The following DEUP1 variants were observed in gnomAD, a reference collection of about 807,000 sequenced individuals.
DEUP1 encodes the protein deuterosome assembly protein 1.
DEUP1 carries 82 observed loss-of-function variants against 87.4 expected under a neutral mutation model. The observed-to-expected ratio is 0.94, with a 90% CI of 0.78 to 1.13. The LOEUF (loss-of-function observed/expected upper bound fraction) is 1.13. DEUP1 is among the 50% of genes most tolerant of loss of function. DEUP1 has a pLI of 0.00. For missense variants in DEUP1, 663 were observed against 681.5 expected (o/e 0.97, Z 0.30); for synonymous variants, 214 against 222.7 (o/e 0.96, Z 0.35).
Position 93,371,399 on chromosome 11 carries a change from T to G in DEUP1, c.789+119T>G, listed in dbSNP as rs912113977. The G allele has an allele frequency of 3.6e-6, 4 of 1,116,472 alleles. No homozygotes were observed. In the African/African-American group the frequency reaches 6.3e-5, roughly 18 times the overall value. 69.2% of individuals were successfully genotyped at this position (1,116,472 alleles called of 1,614,324 possible). ...ATTATTAATATATGTGAAGATTCCATTCATATTTCCTCTTAGTAATTCGCA... is the reference window on the plus strand; with the variant it reads ...ATTATTAATATATGTGAAGATTCCAGTCATATTTCCTCTTAGTAATTCGCA... On this transcript the variant is annotated intron_variant, in intron 7 of 13. Transcript: ENST00000298050.
At chr11:93,416,485 G>C (rs1047438294) in intron 13 of DEUP1, among the ~76,000 whole-genome samples, 1 of 152,088 alleles carries the variant, frequency 6.6e-6, no homozygotes, top group East Asian at 1.9e-4. Context: ...CCAGGAAGAA[G>C]TTGAATCTCT....
At chr11:93,361,821 AAGAC>A (rs1252427700) in intron 4 of DEUP1, among the ~76,000 whole-genome samples, 3 of 152,108 alleles carry the variant, frequency 2.0e-5, no homozygotes, top group African/African-American at 4.8e-5. Flanking sequence ...CACCAACTGA[AAGAC>A]AGAGATTGAC....
intron 2 of DEUP1, among the ~76,000 whole-genome samples, chr11:93,354,822 A>C (rs1183365552): frequency 1.3e-5 from 2 of 152,222 alleles, no homozygotes; most frequent in Non-Finnish European, 1.5e-5. Context: ...GATACAATTC[A>C]AGTTGAGATT....
intron 7 of DEUP1, among the ~76,000 whole-genome samples, chr11:93,372,727 C>A (rs1458353743): frequency 3.3e-5 from 5 of 152,158 alleles, no homozygotes; most frequent in African/African-American, 1.2e-4. Flanking sequence ...TATTCTAATA[C>A]AAGTTAGAAT....
Position 93,394,543 on chromosome 11 carries a change from G to A in DEUP1, c.1126G>A (p.Glu376Lys), listed in dbSNP as rs1467940567. The A allele has an allele frequency of 1.2e-6, 2 of 1,612,222 alleles. No homozygotes were observed. Among genetic ancestry groups the A allele is most frequent in the Non-Finnish European group, 1.7e-6 (2 of 1,179,106 alleles). ...MRNEISDLTEELHQKEITIAT... is the reference protein window; with the variant it reads ...MRNEISDLTEKLHQKEITIAT... The stretch of plus-strand genomic sequence containing the variant: ...GAATGAAATCTCTGACCTAACAGAA[G>A]AGCTTCATCAGAAGGAGATCACTAT... The change falls in exon 10 of 14, where the codon GAG becomes AAG. Residue 376 changes from glutamate (E) to lysine (K), a missense_variant. By Grantham distance (56) the Glu-to-Lys change is moderately conservative. Transcript: ENST00000298050.
intron 2 of DEUP1, among the ~76,000 whole-genome samples, chr11:93,354,855 A>G (rs1466464201): frequency 6.6e-6 from 1 of 152,162 alleles, no homozygotes; most frequent in Non-Finnish European, 1.5e-5. Context: ...CAGCCAAACT[A>G]TATCACTGCC....
At position 93,394,440 on chromosome 11, in the gene DEUP1, C is replaced by A; in HGVS notation, c.1042-19C>A. 6.7e-7 allele frequency: 1 copy of A among 1,502,984 alleles called. No individual in the cohort carries two copies. Among genetic ancestry groups the A allele is most frequent in the South Asian group, 1.3e-5 (1 of 75,954 alleles). 93.1% of individuals were successfully genotyped at this position (1,502,984 alleles called of 1,614,324 possible). A position where few individuals can be genotyped will look rare whatever the true frequency, so the allele number is the denominator to read the frequency against. On this transcript the variant is annotated intron_variant, in intron 9 of 13. Coordinates refer to ENST00000298050, the MANE Select transcript of DEUP1 (RefSeq NM_181645.4). Reference sequence around the variant, plus strand: ...AAATAAAAGGATTCAATAATATTTCCAGTCTCTATCTGCTGCAGATAAGAA... The same window carrying A: ...AAATAAAAGGATTCAATAATATTTCAAGTCTCTATCTGCTGCAGATAAGAA...
chr11:93,371,078 AAC>A lies in DEUP1; in HGVS notation c.589_590del (p.Gln197ValfsTer8). On this transcript the variant is annotated frameshift_variant, in exon 7 of 14. Coordinates refer to ENST00000298050, the MANE Select transcript of DEUP1 (RefSeq NM_181645.4). LOFTEE classifies it high-confidence loss of function. ...TACCAAACTCAACTAAATGGTAAAA[AAC>A]AGTGCTTAGAAGACAGCAGCTCTGA... 6.2e-7 allele frequency: 1 copy of A among 1,612,314 alleles called. No individual in the cohort carries two copies. Among genetic ancestry groups the A allele is most frequent in the Non-Finnish European group, 8.5e-7 (1 of 1,178,952 alleles).
chr11:93,389,837 A>C (rs1946713509), intron 9 of DEUP1, among the ~76,000 whole-genome samples: 1 of 152,178 alleles, frequency 6.6e-6, no homozygotes, highest in African/African-American at 2.4e-5. Context: ...GCTCAGAGGA[A>C]GTATCTAGTA....
chr11:93,342,693 G>T (rs1944140579), intron 2 of DEUP1, among the ~76,000 whole-genome samples: 1 of 152,202 alleles, frequency 6.6e-6, no homozygotes, highest in African/African-American at 2.4e-5. Flanking sequence ...TAATATCAAA[G>T]TTCTGTTAGT....
intron 13 of DEUP1, among the ~76,000 whole-genome samples, chr11:93,416,482 G>T (rs1947634624): frequency 6.6e-6 from 1 of 152,104 alleles, no homozygotes; most frequent in African/African-American, 2.4e-5. Context: ...AAACCAGGAA[G>T]AAGTTGAATC....
At chr11:93,402,154 C>G (rs1314616966) in intron 11 of DEUP1, among the ~76,000 whole-genome samples, 1 of 150,952 alleles carries the variant, frequency 6.6e-6, no homozygotes, top group Non-Finnish European at 1.5e-5. Flanking sequence ...TCAAAAAACT[C>G]AATAGTAAAA....
intron 2 of DEUP1, among the ~76,000 whole-genome samples, chr11:93,351,226 G>T (rs1359700370): frequency 2.6e-5 from 4 of 151,838 alleles, no homozygotes; most frequent in Admixed American, 2.6e-4. Flanking sequence ...ACCATAACCA[G>T]GAAATAAACC....
Position 93,389,122 on chromosome 11 carries a change from C to T in DEUP1, c.1038C>T (p.Asn346=), listed in dbSNP as rs200033689. 87 of 1,557,348 alleles carry T rather than the reference C, an allele frequency of 5.6e-5. No homozygotes were observed. Among genetic ancestry groups the T allele is most frequent in the Non-Finnish European group, 7.3e-5 (83 of 1,139,280 alleles). The part of the protein sequence containing the change: ...QDQPNHEKEL[N]KIRSQLQQVE... The stretch of plus-strand genomic sequence containing the variant: ...AACCAAATCATGAAAAAGAATTGAA[C>T]AAGGTATGAAAAATAATGAGCTCCA... The change falls in exon 9 of 14, where the codon AAC becomes AAT. Residue 346 remains asparagine (N), a synonymous_variant. Coordinates refer to ENST00000298050, the MANE Select transcript of DEUP1 (RefSeq NM_181645.4).
At position 93,361,927 on chromosome 11, in the gene DEUP1, A is replaced by C. The variant is rs184117850; in HGVS notation, c.298-2233A>C. On this transcript the variant is annotated intron_variant, in intron 4 of 13. Coordinates refer to ENST00000298050, the MANE Select transcript of DEUP1 (RefSeq NM_181645.4). ...GGAGAAATATACCATGCAAATATTA[A>C]TAGAAAGCAGAAGTGGTGCCAAGAT... is the stretch of plus-strand genomic sequence containing the variant. Among the ~76,000 whole-genome samples, 512 of 152,216 alleles carry C rather than the reference A, an allele frequency of 3.4e-3. 2 individuals are homozygous for C. The highest frequency in any genetic ancestry group is 0.012 in the African/African-American group (486 of 41,570).
chr11:93,336,812 G>A (rs1228460520), intron 2 of DEUP1, among the ~76,000 whole-genome samples: 1 of 152,158 alleles, frequency 6.6e-6, no homozygotes, highest in African/African-American at 2.4e-5. Flanking sequence ...ACTTCCAGAT[G>A]TATCTAGTTG....
intron 13 of DEUP1, 82 bp from the exon 14 acceptor site, chr11:93,437,461 C>A: frequency 9.6e-7 from 1 of 1,042,262 alleles, no homozygotes; most frequent in Non-Finnish European, 1.4e-6. Flanking sequence ...GACAGTATGT[C>A]AGGGATGAAG....
intron 11 of DEUP1, among the ~76,000 whole-genome samples, chr11:93,406,603 TG>T (rs1947285263): frequency 6.6e-6 from 1 of 151,848 alleles, no homozygotes; most frequent in African/African-American, 2.4e-5. Flanking sequence ...GGAAAAAGAC[TG>T]ACAGATTTCA....
In DEUP1 at chr11:93,408,394, A is replaced by C. The variant is rs1266901014; in HGVS notation, c.1490A>C (p.Gln497Pro). ...TYEETGRYAY[Q>P]SQIKVEQNEE... The stretch of plus-strand genomic sequence containing the variant: ...GAAGAAACAGGAAGATATGCCTATC[A>C]AAGCCAAATAAAAGTGGAACAAAAT... The change falls in exon 12 of 14, where the codon CAA becomes CCA. Residue 497 changes from glutamine to proline, a missense_variant. By Grantham distance (76) the Gln-to-Pro change is moderately conservative. Transcript: ENST00000298050. 8.3e-6 allele frequency: 13 copies of C among 1,563,972 alleles called. No individual in the cohort carries two copies. Among genetic ancestry groups the C allele is most frequent in the Non-Finnish European group, 1.1e-5 (13 of 1,154,474 alleles).
Sources: allele counts gnomAD v4.1 joint callset (sites outside exome capture counted in the v4.1 genomes callset), GRCh38; gene constraint gnomAD v4.1.1; transcripts MANE v1.5; gene names NCBI Gene and HGNC (gene_info 2026-07-23, HGNC 2026-07-21).